The following MGMT variants were observed in gnomAD, a reference collection of about 807,000 sequenced individuals.
MGMT encodes O-6-methylguanine-DNA methyltransferase.
MGMT carries 14 observed loss-of-function variants against 15.9 expected under a neutral mutation model. The observed-to-expected ratio is 0.88, with a 90% CI of 0.58 to 1.37. The LOEUF (loss-of-function observed/expected upper bound fraction) is 1.37, where lower values mean the gene tolerates loss of function less well. Ranked by LOEUF, MGMT falls within the 40% of genes most tolerant of loss-of-function variation. The pLI, the probability that MGMT is intolerant of heterozygous loss-of-function variation, is 0.00. For synonymous variants in MGMT, 130 were observed against 118.2 expected (o/e 1.10, Z -0.65); for missense variants, 282 against 268.1 (o/e 1.05, Z -0.36).
At position 129,542,146 on chromosome 10, in the gene MGMT, G is replaced by A. The variant is rs375674579; in HGVS notation, c.125+5769G>A. Among the ~76,000 whole-genome samples, 407 of 152,276 alleles carry A rather than the reference G, an allele frequency of 2.7e-3. 1 individual carries two copies. Among genetic ancestry groups the A allele is most frequent in the African/African-American group, 9.3e-3 (388 of 41,568 alleles). ...GCGTGAAGATGCCTTTGAGCTTCCC[G>A]AAGGGCAGCTGCAGCAGGAGGTGAC... On this transcript the variant is annotated intron_variant, in intron 2 of 4. Transcript: ENST00000651593.
intron 1 of MGMT, among the ~76,000 whole-genome samples, chr10:129,507,845 A>G (rs1845641406): frequency 6.6e-6 from 1 of 152,194 alleles, no homozygotes; most frequent in African/African-American, 2.4e-5. Flanking sequence ...TCTGCTTTCA[A>G]AATGTTTTAG....
At chr10:129,661,429 C>A (rs1337543321) in intron 2 of MGMT, among the ~76,000 whole-genome samples, 5 of 152,192 alleles carry the variant, frequency 3.3e-5, no homozygotes, top group African/African-American at 7.2e-5. Flanking sequence ...ATTTCTCACA[C>A]CTCTGCAGAG....
At chr10:129,470,853 C>G (rs944877152) in intron 1 of MGMT, among the ~76,000 whole-genome samples, 4 of 152,174 alleles carry the variant, frequency 2.6e-5, no homozygotes, top group Admixed American at 6.5e-5. Flanking sequence ...GTTCTAAAAC[C>G]AGTAAAAAAT....
chr10:129,605,317 T>G (rs1846876062), intron 2 of MGMT, among the ~76,000 whole-genome samples: 1 of 152,240 alleles, frequency 6.6e-6, no homozygotes, highest in Admixed American at 6.5e-5. Flanking sequence ...GTCCTTGATC[T>G]TTAATTTCTT....
At chr10:129,475,610 G>A (rs530602352) in intron 1 of MGMT, among the ~76,000 whole-genome samples, 2 of 152,242 alleles carry the variant, frequency 1.3e-5, no homozygotes, top group South Asian at 2.1e-4. Context: ...TTAAGCTGTC[G>A]AGTCAGATGG....
At chr10:129,519,951 G>T (rs1023725213) in intron 1 of MGMT, among the ~76,000 whole-genome samples, 1 of 152,042 alleles carries the variant, frequency 6.6e-6, no homozygotes, top group Non-Finnish European at 1.5e-5. Flanking sequence ...GGAGGATTGC[G>T]TGAAGCCAGA....
At chr10:129,706,674 AG>A (rs903867969) in intron 2 of MGMT, among the ~76,000 whole-genome samples, 1 of 152,200 alleles carries the variant, frequency 6.6e-6, no homozygotes, top group Non-Finnish European at 1.5e-5. Context: ...ACCCAGGGCC[AG>A]GGCTTCCCAC....
chr10:129,764,749 G>A (rs568478366), intron 4 of MGMT, among the ~76,000 whole-genome samples: 76 of 152,350 alleles, frequency 5.0e-4, no homozygotes, highest in African/African-American at 1.7e-3. Context: ...GAGGTAGCCT[G>A]GACACGCCCC....
chr10:129,507,224 G>A (rs12263603), intron 1 of MGMT, among the ~76,000 whole-genome samples: 10,423 of 152,252 alleles, frequency 0.068, 1,181 homozygotes, highest in African/African-American at 0.24. Flanking sequence ...CTCCAGGGTG[G>A]TGTGCGTGGT....
chr10:129,561,112 A>G (rs914448699), intron 2 of MGMT, among the ~76,000 whole-genome samples: 4 of 152,174 alleles, frequency 2.6e-5, no homozygotes, highest in Non-Finnish European at 5.9e-5. Flanking sequence ...CTCTACCTGC[A>G]GTTGGTGCCT....
At chr10:129,668,284 TAA>T (rs200384311) in intron 2 of MGMT, among the ~76,000 whole-genome samples, 2 of 144,898 alleles carry the variant, frequency 1.4e-5, no homozygotes. Flanking sequence ...ATATTCATCT[TAA>T]AAAAAAAAAA....
At position 129,552,296 on chromosome 10, in the gene MGMT, G is replaced by A. The variant is rs765864109; in HGVS notation, c.125+15919G>A. ...CTCCAGCTGCTGGCAGTGCACACCC[G>A]GTGGGGCCCTCTGTGGCTTGAGCTG... On this transcript the variant is annotated intron_variant, in intron 2 of 4. Transcript: ENST00000651593. Among the ~76,000 whole-genome samples, 9 of 152,296 alleles carry A rather than the reference G, an allele frequency of 5.9e-5. No homozygotes were observed. The East Asian group carries it at 1.2e-3, about 20-fold the overall frequency.
At chr10:129,522,742 A>ACC in intron 1 of MGMT, among the ~76,000 whole-genome samples, 1 of 152,166 alleles carries the variant, frequency 6.6e-6, no homozygotes, top group Non-Finnish European at 1.5e-5. Context: ...GTGTAATCCC[A>ACC]TGTCGATGTC....
chr10:129,649,281 G>A (rs1488995403), intron 2 of MGMT, among the ~76,000 whole-genome samples: 1 of 152,114 alleles, frequency 6.6e-6, no homozygotes, highest in Non-Finnish European at 1.5e-5. Flanking sequence ...TATGTCGAGT[G>A]GATGGCTTTA....
chr10:129,514,618 G>A (rs954838359), intron 1 of MGMT, among the ~76,000 whole-genome samples: 3 of 151,974 alleles, frequency 2.0e-5, no homozygotes, highest in South Asian at 2.1e-4. Context: ...TTGAAACCTC[G>A]CCCGTAAGTT....
At chr10:129,483,651 A>G (rs58360682) in intron 1 of MGMT, among the ~76,000 whole-genome samples, 7,733 of 152,072 alleles carry the variant, frequency 0.051, 558 homozygotes, top group African/African-American at 0.16. Flanking sequence ...TTCTGTATGT[A>G]ATCTGGCATT....
At chr10:129,635,224 A>G (rs1301511560) in intron 2 of MGMT, among the ~76,000 whole-genome samples, 1 of 152,200 alleles carries the variant, frequency 6.6e-6, no homozygotes, top group African/African-American at 2.4e-5. Context: ...GGCGGTGCCC[A>G]TCAGTACTCT....
In MGMT at chr10:129,725,898, C is replaced by T. The variant is rs562598130; in HGVS notation, c.274+17855C>T. On this transcript the variant is annotated intron_variant, in intron 3 of 4. Coordinates refer to ENST00000651593, the MANE Select transcript of MGMT (RefSeq NM_002412.5). Reference sequence around the variant, plus strand: ...TCTGCACTGTAGCCTGTTCTGCCTTCTCAACCAGCCCCTTCTAGCTCCTGG... The same window carrying T: ...TCTGCACTGTAGCCTGTTCTGCCTTTTCAACCAGCCCCTTCTAGCTCCTGG... 6.4e-4 allele frequency among the ~76,000 whole-genome samples: 98 copies of T among 152,366 alleles called. 1 individual carries two copies. The highest frequency in any genetic ancestry group is 1.2e-3 in the Non-Finnish European group (80 of 68,038).
chr10:129,547,050 G>A (rs997566299), intron 2 of MGMT, among the ~76,000 whole-genome samples: 31 of 152,296 alleles, frequency 2.0e-4, no homozygotes, highest in Admixed American at 1.6e-3. Flanking sequence ...AATATCCTCC[G>A]CAGAAACACA....
Sources: gnomAD v4.1 joint callset for allele counts (sites outside exome capture counted in the v4.1 genomes callset) on GRCh38, gnomAD v4.1.1 for gene constraint, MANE v1.5 for transcripts, NCBI Gene and HGNC (gene_info 2026-07-23, HGNC 2026-07-21) for gene names.